TAFA1: variants seen among roughly 807,000 people sequenced by gnomAD.
The protein encoded by TAFA1 is TAFA chemokine like family member 1.
Under a neutral mutation model 18.5 loss-of-function variants are expected in TAFA1, and 4 were observed. That is an observed-to-expected ratio of 0.22 (90% CI 0.11 to 0.49). The LOEUF (loss-of-function observed/expected upper bound fraction) is 0.49. Ranked by LOEUF, TAFA1 falls within the 20% of genes least tolerant of loss-of-function variation. The pLI is 0.98. For synonymous variants in TAFA1, 56 were observed against 55.2 expected, an observed-to-expected ratio of 1.01 and a Z score of -0.06; for missense variants, 147 against 169.0, an observed-to-expected ratio of 0.87 and a Z score of 0.72.
chr3:68,238,190 C>A (rs939038461), intron 2 of TAFA1, among the ~76,000 whole-genome samples: 5 of 152,112 alleles, frequency 3.3e-5, no homozygotes, highest in Admixed American at 3.3e-4. Context: ...AGCCCTTCAA[C>A]TGGGCCTGTA....
At chr3:68,109,770 A>G (rs2106833845) in intron 2 of TAFA1, among the ~76,000 whole-genome samples, 1 of 152,302 alleles carries the variant, frequency 6.6e-6, no homozygotes. Flanking sequence ...TTATTCATAG[A>G]ACAAAAGTTA....
intron 2 of TAFA1, among the ~76,000 whole-genome samples, chr3:68,359,354 CA>C (rs1429999355): frequency 6.6e-6 from 1 of 151,942 alleles, no homozygotes; most frequent in Non-Finnish European, 1.5e-5. Context: ...CCCTACAAGG[CA>C]AAAGGAAAAT....
intron 2 of TAFA1, among the ~76,000 whole-genome samples, chr3:68,386,952 G>T (rs1247937401): frequency 2.0e-5 from 3 of 152,056 alleles, no homozygotes; most frequent in African/African-American, 7.2e-5. Flanking sequence ...GTGTGTATTG[G>T]TTTGATATGG....
intron 2 of TAFA1, among the ~76,000 whole-genome samples, chr3:68,155,654 C>T (rs1260013520): frequency 6.6e-6 from 1 of 151,850 alleles, no homozygotes; most frequent in Admixed American, 6.6e-5. Context: ...AAGTCTTGGG[C>T]CACAAGTTGG....
At chr3:68,392,238 A>T (rs2070274387) in intron 2 of TAFA1, among the ~76,000 whole-genome samples, 1 of 151,966 alleles carries the variant, frequency 6.6e-6, no homozygotes. Context: ...CAGAATTTCA[A>T]CCAACAAAGA....
intron 3 of TAFA1, among the ~76,000 whole-genome samples, chr3:68,512,502 T>C (rs771550818): frequency 2.0e-5 from 3 of 152,152 alleles, no homozygotes; most frequent in Non-Finnish European, 4.4e-5. Context: ...CAATGGCCTG[T>C]GGAAGGTCCA....
chr3:68,284,766 CA>C lies in TAFA1; in HGVS notation c.119-132502del, dbSNP rs201978318. ...GACATAGTGAGAACCCCATCTCTAC[CA>C]AAAAAAAAAAATTGTTTTAAATTAG... On this transcript the variant is annotated intron_variant, in intron 2 of 4. Transcript: ENST00000478136. Among the ~76,000 whole-genome samples, 1,309 of 141,858 alleles carry C rather than the reference CA, an allele frequency of 9.2e-3. 19 individuals carry two copies. Among genetic ancestry groups the C allele is most frequent in the African/African-American group, 0.031 (1,203 of 38,982 alleles). The allele number at this position is 141,858 out of a possible 152,430, so 93.1% of individuals were successfully genotyped here.
intron 2 of TAFA1, among the ~76,000 whole-genome samples, chr3:68,283,683 G>A (rs2067943315): frequency 6.6e-6 from 1 of 152,104 alleles, no homozygotes; most frequent in South Asian, 2.1e-4. Context: ...GCATATGCCT[G>A]GCATATTATA....
chr3:68,157,359 G>T (rs904667229), intron 2 of TAFA1, among the ~76,000 whole-genome samples: 2 of 152,064 alleles, frequency 1.3e-5, no homozygotes, highest in African/African-American at 4.8e-5. Context: ...CAATGAAGAT[G>T]ATCACAGCTC....
intron 3 of TAFA1, among the ~76,000 whole-genome samples, chr3:68,520,725 A>G (rs1039973): frequency 0.79 from 120,093 of 152,106 alleles, 47,512 homozygotes; most frequent in East Asian, 0.89. Flanking sequence ...CAGTGTGATC[A>G]TGCATGTAAA....
intron 2 of TAFA1, among the ~76,000 whole-genome samples, chr3:68,382,256 C>G (rs955501962): frequency 1.3e-5 from 2 of 152,170 alleles, no homozygotes; most frequent in African/African-American, 4.8e-5. Context: ...TGTTGTGTCT[C>G]TGCCAGGCTT....
chr3:68,325,710 T>C (rs2068765735), intron 2 of TAFA1, among the ~76,000 whole-genome samples: 1 of 152,150 alleles, frequency 6.6e-6, no homozygotes, highest in African/African-American at 2.4e-5. Flanking sequence ...TTGAGGTAAA[T>C]CAGTTAAGAT....
chr3:68,380,760 G>A (rs367683813), intron 2 of TAFA1, among the ~76,000 whole-genome samples: 1 of 151,892 alleles, frequency 6.6e-6, no homozygotes, highest in Non-Finnish European at 1.5e-5. Context: ...CTGTGCAGAA[G>A]CTCTTTAGTT....
chr3:68,082,604 G>A (rs1046534213), intron 2 of TAFA1, among the ~76,000 whole-genome samples: 4 of 152,206 alleles, frequency 2.6e-5, no homozygotes, highest in Non-Finnish European at 5.9e-5. Flanking sequence ...CACTGAAAGA[G>A]TTTAAGTTAG....
chr3:68,113,892 T>G (rs1371044767), intron 2 of TAFA1, among the ~76,000 whole-genome samples: 1 of 14,796 alleles, frequency 6.8e-5, no homozygotes, highest in Admixed American at 7.9e-4. Context: ...GGTGTAGTTT[T>G]TTTTGTTTTT....
At chr3:68,407,517 G>A (rs1479388965) in intron 2 of TAFA1, among the ~76,000 whole-genome samples, 6 of 152,220 alleles carry the variant, frequency 3.9e-5, no homozygotes, top group Non-Finnish European at 8.8e-5. Flanking sequence ...TTCACTATAG[G>A]ATGCAATATT....
chr3:68,123,908 AAAAAAAAAAAAGCT>A (rs2065432552), intron 2 of TAFA1, among the ~76,000 whole-genome samples: 1 of 58,248 alleles, frequency 1.7e-5, no homozygotes, highest in African/African-American at 5.1e-5. Context: ...AAAAAAAAAA[AAAAAAAAAAAAGCT>A]TTCTTTTGAT....
intron 3 of TAFA1, among the ~76,000 whole-genome samples, chr3:68,440,846 C>T (rs2071361887): frequency 6.6e-6 from 1 of 152,166 alleles, no homozygotes; most frequent in Non-Finnish European, 1.5e-5. Flanking sequence ...AACACTGTAA[C>T]CCCCTTCTTA....
chr3:68,333,967 CAAGT>C (rs2068925800), intron 2 of TAFA1, among the ~76,000 whole-genome samples: 1 of 152,130 alleles, frequency 6.6e-6, no homozygotes, highest in Non-Finnish European at 1.5e-5. Flanking sequence ...CTCATAGAAA[CAAGT>C]AAGACTGTGG....
Sources: gnomAD v4.1 joint callset for allele counts (sites outside exome capture counted in the v4.1 genomes callset) on GRCh38, gnomAD v4.1.1 for gene constraint, MANE v1.5 for transcripts, NCBI Gene and HGNC (gene_info 2026-07-23, HGNC 2026-07-21) for gene names.